Variants in ZC2HC1A observed in about 807,000 individuals in gnomAD.
ZC2HC1A encodes zinc finger C2HC-type containing 1A.
In ZC2HC1A, 28 loss-of-function variants were observed where a neutral mutation model predicts 40.7. That is an observed-to-expected ratio of 0.69 (90% CI 0.51 to 0.94). ZC2HC1A has a LOEUF of 0.94. ZC2HC1A is among the 40% of genes least tolerant of loss of function. The probability of loss-of-function intolerance (pLI) is 0.00; values close to 1 mark genes in which losing one functional copy is unlikely to be tolerated. For missense variants in ZC2HC1A, 389 were observed against 386.3 expected (o/e 1.01, Z -0.06); for synonymous variants, 129 against 129.2 (o/e 1.00, Z 0.01).
intron 1 of ZC2HC1A, among the ~76,000 whole-genome samples, chr8:78,672,997 A>G (rs1809476375): frequency 6.6e-6 from 1 of 152,032 alleles, no homozygotes; most frequent in African/African-American, 2.4e-5. Context: ...TGCTGCACCC[A>G]TCAACCTGTC....
rs1487516201 is a variant in ZC2HC1A at position 78,686,493 on chromosome 8, T to C, written c.237T>C (p.Asn79=). The C allele has an allele frequency of 6.5e-7, 1 of 1,532,646 alleles. No individual in the cohort carries two copies. Among genetic ancestry groups the C allele is most frequent in the Non-Finnish European group, 8.8e-7 (1 of 1,139,376 alleles). 94.9% of individuals were successfully genotyped at this position (1,532,646 alleles called of 1,614,324 possible). ...PRPEPPKKPS[N]WRRKHEEFIA... Reference sequence around the variant, plus strand: ...CAGAACCACCAAAGAAACCATCTAATTGGAGAAGGAAACATGAAGAATTCA... The same window carrying C: ...CAGAACCACCAAAGAAACCATCTAACTGGAGAAGGAAACATGAAGAATTCA... The change falls in exon 4 of 9, where the codon AAT becomes AAC. Residue 79 remains asparagine, a synonymous_variant. Transcript: ENST00000263849.
chr8:78,700,009 G>A lies in ZC2HC1A; in HGVS notation c.704+1496G>A, dbSNP rs150773623. On this transcript the variant is annotated intron_variant, in intron 7 of 8. Coordinates refer to ENST00000263849, the MANE Select transcript of ZC2HC1A (RefSeq NM_016010.3). The stretch of plus-strand genomic sequence containing the variant: ...AATGGGATTGCTGGGGGAAATGGTA[G>A]TTCTGTCTTTAGGTCTTTGAGGAAT... Among the ~76,000 whole-genome samples, 478 of 152,216 alleles carry A rather than the reference G, an allele frequency of 3.1e-3. 1 individual carries two copies. The highest frequency in any genetic ancestry group is 4.9e-3 in the Non-Finnish European group (330 of 67,980).
rs1400971480 is a variant in ZC2HC1A at position 78,717,360 on chromosome 8, G to A, written c.845G>A (p.Gly282Asp). Reference sequence around the variant, plus strand: ...GGGGACTGTGCATCTTCCCTTAATGGTGGAAATATTAAAGGCATTGAAGGA... The same window carrying A: ...GGGGACTGTGCATCTTCCCTTAATGATGGAAATATTAAAGGCATTGAAGGA... ...PDGDCASSLNGGNIKGIEGHS... is the reference protein window; with the variant it reads ...PDGDCASSLNDGNIKGIEGHS... The change falls in exon 9 of 9, where the codon GGT (glycine) becomes GAT (aspartate). Residue 282 changes from glycine (G) to aspartate (D), a missense_variant. Gly to Asp is a moderately conservative substitution (Grantham distance 94). Transcript: ENST00000263849. 1.2e-6 allele frequency: 2 copies of A among 1,611,538 alleles called. No homozygotes were observed. The highest frequency in any genetic ancestry group is 1.7e-6 in the Non-Finnish European group (2 of 1,179,318).
intron 3 of ZC2HC1A, among the ~76,000 whole-genome samples, chr8:78,681,589 A>G (rs77189445): frequency 0.037 from 5,611 of 152,220 alleles, 314 homozygotes; most frequent in African/African-American, 0.13. Flanking sequence ...GTTGTTTTCT[A>G]TTCCCTGAAA....
At chr8:78,681,731 A>G (rs1287919827) in intron 3 of ZC2HC1A, among the ~76,000 whole-genome samples, 2 of 151,994 alleles carry the variant, frequency 1.3e-5, no homozygotes, top group Non-Finnish European at 1.5e-5. Flanking sequence ...TTGATTTTAT[A>G]TTTGTTCTGG....
intron 7 of ZC2HC1A, among the ~76,000 whole-genome samples, chr8:78,709,134 A>G (rs1170948267): frequency 6.6e-6 from 1 of 152,194 alleles, no homozygotes; most frequent in Non-Finnish European, 1.5e-5. Context: ...GAAACTATCA[A>G]ATATCAGAGA....
chr8:78,686,890 A>G (rs945690126), intron 4 of ZC2HC1A, among the ~76,000 whole-genome samples: 5 of 152,176 alleles, frequency 3.3e-5, no homozygotes, highest in African/African-American at 1.2e-4. Flanking sequence ...AAATGTGAGT[A>G]TTCCAGGAAA....
At chr8:78,679,770 C>G (rs1436305521) in intron 3 of ZC2HC1A, among the ~76,000 whole-genome samples, 1 of 152,094 alleles carries the variant, frequency 6.6e-6, no homozygotes, top group Non-Finnish European at 1.5e-5. Context: ...GGAAATTAAT[C>G]TTACTAATAA....
intron 1 of ZC2HC1A, among the ~76,000 whole-genome samples, chr8:78,672,353 C>T (rs1234088593): frequency 6.6e-6 from 1 of 151,980 alleles, no homozygotes. Context: ...ACCCCTTGGT[C>T]CAATTAATCT....
At chr8:78,684,652 G>A (rs887054288) in intron 3 of ZC2HC1A, among the ~76,000 whole-genome samples, 1 of 152,158 alleles carries the variant, frequency 6.6e-6, no homozygotes, top group Non-Finnish European at 1.5e-5. Flanking sequence ...AACAACAGGA[G>A]TAAAGGGAAG....
intron 7 of ZC2HC1A, among the ~76,000 whole-genome samples, chr8:78,702,821 A>G (rs1194982278): frequency 1.3e-5 from 2 of 152,102 alleles, no homozygotes; most frequent in Non-Finnish European, 2.9e-5. Flanking sequence ...GTGGTTTGAG[A>G]GAATATTTGT....
rs949112099 is a variant in ZC2HC1A at position 78,678,543 on chromosome 8, G to C, written c.94-20G>C. On this transcript the variant is annotated intron_variant, in intron 2 of 8. Transcript: ENST00000263849. The stretch of plus-strand genomic sequence containing the variant: ...TCTGTAGAAAAGAAAATGATAGGCT[G>C]CATTTCTTTATCTTAACAGAAAAAA... 5 of 1,569,864 alleles carry C rather than the reference G, an allele frequency of 3.2e-6. No individual in the cohort carries two copies. In the East Asian group the frequency reaches 1.1e-4, roughly 36 times the overall value.
intron 3 of ZC2HC1A, among the ~76,000 whole-genome samples, chr8:78,683,262 C>T (rs890126403): frequency 1.3e-5 from 2 of 152,230 alleles, no homozygotes; most frequent in Non-Finnish European, 2.9e-5. Context: ...TCTCTTATTT[C>T]CCTTTTGCAG....
chr8:78,671,157 A>G (rs1809428438), intron 1 of ZC2HC1A, among the ~76,000 whole-genome samples: 1 of 152,208 alleles, frequency 6.6e-6, no homozygotes, highest in Non-Finnish European at 1.5e-5. Flanking sequence ...TGCATTTTAA[A>G]ATGTCACAAC....
At chr8:78,698,584 T>C in intron 7 of ZC2HC1A, 71 bp downstream of exon 7, 1 of 1,180,676 alleles carries the variant, frequency 8.5e-7, no homozygotes, top group Non-Finnish European at 1.2e-6. Context: ...TATGTTTTGA[T>C]AATTGCTTTT....
chr8:78,691,690 G>C (rs1437198982), intron 5 of ZC2HC1A, among the ~76,000 whole-genome samples: 2 of 150,908 alleles, frequency 1.3e-5, no homozygotes, highest in Non-Finnish European at 3.0e-5. Flanking sequence ...TTTCTTTTTT[G>C]GCTTTCTAGC....
chr8:78,689,491 T>C lies in ZC2HC1A; in HGVS notation c.504+118T>C, dbSNP rs546540089. The C allele has an allele frequency of 1.4e-4, 120 of 844,668 alleles. 2 individuals are homozygous for C. The African/African-American group carries it at 1.9e-3, about 13-fold the overall frequency. The allele number at this position is 844,668 out of a possible 1,614,324, so 52.3% of individuals were successfully genotyped here. ...TTTTTCTCACCTGCTTTTATAGATA[T>C]ATAGTTTTATATATCTATAAAAGTT... On this transcript the variant is annotated intron_variant, in intron 5 of 8. Transcript: ENST00000263849.
intron 1 of ZC2HC1A, among the ~76,000 whole-genome samples, chr8:78,675,292 G>A (rs1338244639): frequency 1.3e-5 from 2 of 151,814 alleles, no homozygotes; most frequent in Non-Finnish European, 2.9e-5. Context: ...ATAACTAGGT[G>A]ATCTTAATCT....
chr8:78,706,289 C>T (rs1810768824), intron 7 of ZC2HC1A, among the ~76,000 whole-genome samples: 1 of 152,100 alleles, frequency 6.6e-6, no homozygotes, highest in South Asian at 2.1e-4. Context: ...CTTGATTCAG[C>T]CTTTTTTCCT....
Sources: allele counts gnomAD v4.1 joint callset (sites outside exome capture counted in the v4.1 genomes callset), GRCh38; gene constraint gnomAD v4.1.1; transcripts MANE v1.5; gene names NCBI Gene and HGNC (gene_info 2026-07-23, HGNC 2026-07-21).